The following DENND1A variants were observed in gnomAD, a reference collection of about 807,000 sequenced individuals.
DENND1A encodes the protein DENN domain-containing protein 1A.
In DENND1A, 51 loss-of-function variants were observed where a neutral mutation model predicts 113.7. That is an observed-to-expected ratio of 0.45 (90% CI 0.36 to 0.57). DENND1A has a LOEUF of 0.57. Among genes scored for constraint, DENND1A ranks in the 20% least tolerant of loss-of-function variants. The pLI is 0.00. For synonymous variants in DENND1A, 565 were observed against 570.8 expected (o/e 0.99, Z 0.14); for missense variants, 1,258 against 1,395.9 (o/e 0.90, Z 1.57).
At chr9:123,543,817 T>C (rs553319389) in intron 13 of DENND1A, among the ~76,000 whole-genome samples, 5 of 152,344 alleles carry the variant, frequency 3.3e-5, no homozygotes, top group South Asian at 2.1e-4. Context: ...CATTCTACTA[T>C]AGCAGTTCCC....
intron 4 of DENND1A, among the ~76,000 whole-genome samples, chr9:123,758,059 TCTC>T (rs1055162060): frequency 2.0e-5 from 3 of 151,650 alleles, no homozygotes; most frequent in African/African-American, 7.3e-5. Flanking sequence ...TATCATACCT[TCTC>T]CTTACTGAGT....
Position 123,824,225 on chromosome 9 carries a change from C to G in DENND1A, c.89-31595G>C, listed in dbSNP as rs1838956260. Among the ~76,000 whole-genome samples the G allele has an allele frequency of 2.0e-5, 3 of 152,222 alleles. No homozygotes were observed. In the South Asian group the frequency reaches 6.2e-4, roughly 32 times the overall value. On this transcript the variant is annotated intron_variant, in intron 2 of 23. Transcript: ENST00000394215. ...GGGAGAATCTGACAAAGGAGCAGAA[C>G]CAGGACTTAATCTCAGATCTAGAAA...
At chr9:123,519,460 C>T (rs1281247408) in intron 13 of DENND1A, among the ~76,000 whole-genome samples, 2 of 149,928 alleles carry the variant, frequency 1.3e-5, no homozygotes, top group Non-Finnish European at 3.0e-5. Flanking sequence ...TTTTTTGAGG[C>T]AGAGTCTCAC....
chr9:123,414,050 G>A lies in DENND1A; in HGVS notation c.1489-2221C>T, dbSNP rs369625538. On this transcript the variant is annotated intron_variant, in intron 19 of 23. Coordinates refer to ENST00000394215, the MANE Select transcript of DENND1A (RefSeq NM_001352964.2). ...TCACTGCTTGTCACCTCTGGCTTGG[G>A]CTATTTCCATTCCTGCTGGGTGGCA... 1.3e-5 allele frequency: 13 copies of A among 993,406 alleles called. No homozygotes were observed. In the East Asian group the frequency reaches 1.1e-3, roughly 83 times the overall value. The allele number at this position is 993,406 out of a possible 1,614,324, so 61.5% of individuals were successfully genotyped here. A position where few individuals can be genotyped will look rare whatever the true frequency, so the allele number is the denominator to read the frequency against.
chr9:123,460,006 G>T (rs1405933073), intron 13 of DENND1A, among the ~76,000 whole-genome samples: 1 of 152,128 alleles, frequency 6.6e-6, no homozygotes, highest in Non-Finnish European at 1.5e-5. Context: ...AAACATCAGG[G>T]CTGCCAAATA....
At chr9:123,729,952 C>T (rs1341579134) in intron 5 of DENND1A, among the ~76,000 whole-genome samples, 2 of 152,088 alleles carry the variant, frequency 1.3e-5, no homozygotes, top group Admixed American at 6.5e-5. Flanking sequence ...AGAAATCATG[C>T]CACACATCTA....
rs569680095 is a variant in DENND1A, at chr9:123,443,966, A to T, written c.1357-3475T>A. On this transcript the variant is annotated intron_variant, in intron 18 of 23. Coordinates refer to ENST00000394215, the MANE Select transcript of DENND1A (RefSeq NM_001352964.2). ...AGTGAGACCCTGTCTCAAGAAAAAA[A>T]TAAGGTGGGGGGCATTCAAATTCTC... 6.3e-3 allele frequency among the ~76,000 whole-genome samples: 959 copies of T among 151,140 alleles called. 11 individuals carry two copies. Among genetic ancestry groups the T allele is most frequent in the African/African-American group, 0.022 (927 of 41,248 alleles).
At chr9:123,651,731 C>T (rs2062670632) in intron 9 of DENND1A, among the ~76,000 whole-genome samples, 1 of 151,982 alleles carries the variant, frequency 6.6e-6, no homozygotes, top group Admixed American at 6.6e-5. Flanking sequence ...ATGGTGTAGA[C>T]ATTAAAAAAT....
chr9:123,440,536 AC>A (rs2046853797), intron 18 of DENND1A, 45 bp from the exon 19 acceptor site: 1 of 1,516,268 alleles, frequency 6.6e-7, no homozygotes, highest in Non-Finnish European at 8.7e-7. Context: ...GGGTTCTGGC[AC>A]CCATGTTCCC....
At chr9:123,785,799 C>T (rs763823374) in intron 3 of DENND1A, among the ~76,000 whole-genome samples, 6 of 152,192 alleles carry the variant, frequency 3.9e-5, no homozygotes, top group Non-Finnish European at 7.3e-5. Context: ...TTTATACCTG[C>T]AGATGAAAAA....
At chr9:123,456,606 T>A (rs1484971067) in intron 15 of DENND1A, among the ~76,000 whole-genome samples, 1 of 151,638 alleles carries the variant, frequency 6.6e-6, no homozygotes, top group Non-Finnish European at 1.5e-5. Flanking sequence ...AGGTCAGGAG[T>A]TTGAGACCAG....
chr9:123,704,230 G>C (rs1297113310), intron 5 of DENND1A, among the ~76,000 whole-genome samples: 1 of 152,026 alleles, frequency 6.6e-6, no homozygotes, highest in African/African-American at 2.4e-5. Flanking sequence ...GCCAAACCAT[G>C]AACACTTTGA....
chr9:123,528,944 G>A (rs953877328), intron 13 of DENND1A, among the ~76,000 whole-genome samples: 9 of 152,198 alleles, frequency 5.9e-5, no homozygotes, highest in Non-Finnish European at 1.3e-4. Context: ...CATTTCGAGT[G>A]AGTATCTCCT....
chr9:123,547,267 C>G (rs1197568875), intron 13 of DENND1A, among the ~76,000 whole-genome samples: 2 of 152,238 alleles, frequency 1.3e-5, no homozygotes, highest in Admixed American at 1.3e-4. Context: ...TGGTGGCTCA[C>G]GCCTGTAATC....
chr9:123,579,944 C>T (rs2058809231), intron 12 of DENND1A, among the ~76,000 whole-genome samples: 1 of 152,160 alleles, frequency 6.6e-6, no homozygotes, highest in Non-Finnish European at 1.5e-5. Context: ...CATTCTCAAC[C>T]CTGTTACAAA....
intron 20 of DENND1A, among the ~76,000 whole-genome samples, chr9:123,410,456 T>G (rs924009306): frequency 1.3e-5 from 2 of 152,106 alleles, no homozygotes; most frequent in African/African-American, 4.8e-5. Context: ...CAACCACAGT[T>G]TGATGGAGAT....
intron 13 of DENND1A, among the ~76,000 whole-genome samples, chr9:123,465,689 A>T (rs1263470734): frequency 1.3e-5 from 2 of 152,256 alleles, no homozygotes; most frequent in Non-Finnish European, 2.9e-5. Context: ...ATGCAGGAAA[A>T]AAGTGCTGTT....
intron 3 of DENND1A, among the ~76,000 whole-genome samples, chr9:123,783,679 T>C (rs61530824): frequency 0.025 from 3,846 of 152,280 alleles, 169 homozygotes; most frequent in African/African-American, 0.089. Context: ...ATTCAGACCC[T>C]AGCAGTCTCA....
intron 7 of DENND1A, among the ~76,000 whole-genome samples, chr9:123,669,858 T>A (rs1403812048): frequency 6.6e-6 from 1 of 152,224 alleles, no homozygotes; most frequent in Non-Finnish European, 1.5e-5. Context: ...TCTCTGTAAA[T>A]TCATTTTTTC....
Sources: allele counts gnomAD v4.1 joint callset (sites outside exome capture counted in the v4.1 genomes callset), GRCh38; gene constraint gnomAD v4.1.1; transcripts MANE v1.5; gene names NCBI Gene and HGNC (gene_info 2026-07-23, HGNC 2026-07-21).